The following TAFA1 variants were observed in gnomAD, a reference collection of about 807,000 sequenced individuals.
TAFA1 encodes the protein chemokine-like protein TAFA-1.
In TAFA1, 4 loss-of-function variants were observed where a neutral mutation model predicts 18.5. The ratio of observed to expected loss-of-function variants is 0.22; its 90% CI spans 0.11 to 0.49. The LOEUF is 0.49. Among genes scored for constraint, TAFA1 ranks in the 20% least tolerant of loss-of-function variants. TAFA1 has a pLI of 0.98. For synonymous variants in TAFA1, 56 were observed against 55.2 expected, an observed-to-expected ratio of 1.01 and a Z score of -0.06; for missense variants, 147 against 169.0, an observed-to-expected ratio of 0.87 and a Z score of 0.72.
At chr3:68,520,055 G>A (rs528589668) in intron 3 of TAFA1, among the ~76,000 whole-genome samples, 1 of 152,280 alleles carries the variant, frequency 6.6e-6, no homozygotes, top group South Asian at 2.1e-4. Context: ...ACACAAAACA[G>A]TTTGCCTATA....
At chr3:68,006,468 C>T in intron 1 of TAFA1, 156 bp from the exon 2 acceptor site, 1 of 588,164 alleles carries the variant, frequency 1.7e-6, no homozygotes, top group Admixed American at 2.8e-5. Context: ...TCTCTCAATC[C>T]CACTTCATGG....
chr3:68,269,376 A>C (rs550239871), intron 2 of TAFA1, among the ~76,000 whole-genome samples: 56 of 152,142 alleles, frequency 3.7e-4, no homozygotes, highest in Non-Finnish European at 5.4e-4. Flanking sequence ...GGATCCCTTG[A>C]GCCAAGAGTT....
chr3:68,387,108 C>T (rs905848028), intron 2 of TAFA1, among the ~76,000 whole-genome samples: 1 of 151,672 alleles, frequency 6.6e-6, no homozygotes, highest in Non-Finnish European at 1.5e-5. Flanking sequence ...GGATGGAGCC[C>T]TTAAGCACAA....
chr3:68,045,200 T>C (rs1201975066), intron 2 of TAFA1, among the ~76,000 whole-genome samples: 3 of 152,230 alleles, frequency 2.0e-5, no homozygotes, highest in African/African-American at 7.2e-5. Flanking sequence ...GCTCTTCTCA[T>C]GGCAATGGCA....
intron 2 of TAFA1, among the ~76,000 whole-genome samples, chr3:68,354,395 C>T (rs894045110): frequency 2.0e-5 from 3 of 151,946 alleles, no homozygotes; most frequent in Non-Finnish European, 2.9e-5. Flanking sequence ...AGCTGAGATG[C>T]TACTGCTCTT....
chr3:68,449,318 AT>A, intron 3 of TAFA1, among the ~76,000 whole-genome samples: 1 of 152,262 alleles, frequency 6.6e-6, no homozygotes, highest in African/African-American at 2.4e-5. Context: ...AATGAGACTC[AT>A]TTCATCATTT....
intron 2 of TAFA1, among the ~76,000 whole-genome samples, chr3:68,151,423 T>C (rs369674757): frequency 3.4e-4 from 51 of 152,196 alleles, no homozygotes; most frequent in African/African-American, 1.2e-3. Context: ...TATCTTAGTT[T>C]GCTTTGTGTT....
At chr3:68,234,470 C>G (rs1001608794) in intron 2 of TAFA1, among the ~76,000 whole-genome samples, 6 of 152,078 alleles carry the variant, frequency 3.9e-5, no homozygotes, top group African/African-American at 1.2e-4. Context: ...GATGCTAACC[C>G]GAAGGAGAGT....
chr3:68,491,146 C>A (rs2072445216), intron 3 of TAFA1, among the ~76,000 whole-genome samples: 1 of 152,142 alleles, frequency 6.6e-6, no homozygotes. Context: ...GCCTCCTCCA[C>A]AATTTTTAAG....
At chr3:68,060,708 G>A in intron 2 of TAFA1, among the ~76,000 whole-genome samples, 1 of 152,120 alleles carries the variant, frequency 6.6e-6, no homozygotes, top group East Asian at 1.9e-4. Flanking sequence ...GTGGGTCTTT[G>A]TCATGGATGT....
At chr3:68,079,538 A>G (rs1472748255) in intron 2 of TAFA1, among the ~76,000 whole-genome samples, 3 of 152,084 alleles carry the variant, frequency 2.0e-5, no homozygotes, top group African/African-American at 4.8e-5. Context: ...GTTTCAAAGA[A>G]CATCTTTATT....
intron 2 of TAFA1, among the ~76,000 whole-genome samples, chr3:68,379,284 T>C (rs1208005332): frequency 1.3e-5 from 2 of 152,336 alleles, no homozygotes; most frequent in East Asian, 3.9e-4. Flanking sequence ...TTTCATATGA[T>C]TGTTCACCAC....
At chr3:68,006,365 C>T (rs77498557) in intron 1 of TAFA1, 21,455 of 433,924 alleles carry the variant, frequency 0.049, 1,368 homozygotes, top group African/African-American at 0.2. Flanking sequence ...TAACTGATAG[C>T]CTAAAACTTT....
intron 2 of TAFA1, among the ~76,000 whole-genome samples, chr3:68,353,339 T>C (rs925328081): frequency 6.6e-6 from 1 of 152,116 alleles, no homozygotes; most frequent in Admixed American, 6.6e-5. Flanking sequence ...ATTGTGTCTC[T>C]GTTTCTTAAG....
intron 2 of TAFA1, among the ~76,000 whole-genome samples, chr3:68,045,804 T>C (rs755627310): frequency 1.2e-4 from 19 of 152,204 alleles, no homozygotes; most frequent in Non-Finnish European, 2.2e-4. Flanking sequence ...ATTCATTTCG[T>C]TATTTTTCAA....
intron 2 of TAFA1, among the ~76,000 whole-genome samples, chr3:68,360,820 A>G (rs185546453): frequency 6.6e-6 from 1 of 152,036 alleles, no homozygotes; most frequent in African/African-American, 2.4e-5. Flanking sequence ...TAATGCAGCC[A>G]TGAAAAAAGT....
chr3:68,503,547 T>C (rs2072696845), intron 3 of TAFA1, among the ~76,000 whole-genome samples: 1 of 152,142 alleles, frequency 6.6e-6, no homozygotes, highest in African/African-American at 2.4e-5. Context: ...ATGATGATGC[T>C]TAATTCGAAG....
intron 2 of TAFA1, among the ~76,000 whole-genome samples, chr3:68,218,073 T>A (rs575797531): frequency 6.6e-6 from 1 of 152,218 alleles, no homozygotes; most frequent in South Asian, 2.1e-4. Context: ...TTACACAATA[T>A]GTTTCCTGGA....
At chr3:68,047,407 A>G (rs996435291) in intron 2 of TAFA1, among the ~76,000 whole-genome samples, 4 of 152,224 alleles carry the variant, frequency 2.6e-5, no homozygotes, top group African/African-American at 9.6e-5. Flanking sequence ...GGGATGGCAT[A>G]GCAGCCAACT....
Sources: gnomAD v4.1 joint callset for allele counts (sites outside exome capture counted in the v4.1 genomes callset) on GRCh38, gnomAD v4.1.1 for gene constraint, MANE v1.5 for transcripts, NCBI Gene and HGNC (gene_info 2026-07-23, HGNC 2026-07-21) for gene names.